The following CWC27 variants were observed in gnomAD, a reference collection of about 807,000 sequenced individuals.
CWC27 encodes the protein CWC27 spliceosome associated cyclophilin.
Under a neutral mutation model 63.6 loss-of-function variants are expected in CWC27, and 47 were observed. The observed-to-expected ratio is 0.74, with a 90% CI of 0.58 to 0.94. The LOEUF is 0.94. Ranked by LOEUF, CWC27 falls within the 40% of genes least tolerant of loss-of-function variation. CWC27 has a pLI of 0.00. For synonymous variants in CWC27, 175 were observed against 179.8 expected (o/e 0.97, Z 0.22); for missense variants, 495 against 554.3 (o/e 0.89, Z 1.07).
chr5:64,818,342 T>C (rs890484626), intron 10 of CWC27, among the ~76,000 whole-genome samples: 2 of 152,208 alleles, frequency 1.3e-5, no homozygotes, highest in Non-Finnish European at 2.9e-5. Context: ...TTTCTTAGCT[T>C]TGAAAGTTAT....
chr5:64,960,247 C>G (rs1748882544), intron 11 of CWC27, among the ~76,000 whole-genome samples: 1 of 151,174 alleles, frequency 6.6e-6, no homozygotes, highest in Non-Finnish European at 1.5e-5. Context: ...GAAGAAACAA[C>G]CAAACTGGTT....
intron 11 of CWC27, among the ~76,000 whole-genome samples, chr5:64,902,998 G>A (rs115263686): frequency 0.036 from 5,542 of 152,112 alleles, 358 homozygotes; most frequent in African/African-American, 0.13. Context: ...ATTGTCTTTC[G>A]TAATTGATAG....
At chr5:64,840,832 C>CA (rs1487041070) in intron 10 of CWC27, among the ~76,000 whole-genome samples, 1 of 152,108 alleles carries the variant, frequency 6.6e-6, no homozygotes, top group Admixed American at 6.5e-5. Context: ...AGGGGCTAAT[C>CA]AAGGCATTGG....
intron 2 of CWC27, among the ~76,000 whole-genome samples, chr5:64,781,592 A>G (rs1743694070): frequency 6.6e-6 from 1 of 152,172 alleles, no homozygotes; most frequent in African/African-American, 2.4e-5. Context: ...ATAACCAAAA[A>G]TATTTTCAGA....
At chr5:64,982,466 G>A (rs1419500282) in intron 13 of CWC27, among the ~76,000 whole-genome samples, 2 of 151,630 alleles carry the variant, frequency 1.3e-5, no homozygotes, top group Non-Finnish European at 2.9e-5. Context: ...AAGACCACAG[G>A]CATACACCAC....
chr5:65,018,123 G>T (rs1488328953), intron 13 of CWC27, 36 bp from the exon 14 acceptor site: 3 of 1,532,200 alleles, frequency 2.0e-6, no homozygotes, highest in Non-Finnish European at 2.6e-6. Context: ...AAGTTCCCAT[G>T]CAAGAAATCA....
At chr5:64,810,603 C>A (rs1744847203) in intron 10 of CWC27, among the ~76,000 whole-genome samples, 1 of 152,040 alleles carries the variant, frequency 6.6e-6, no homozygotes, top group African/African-American at 2.4e-5. Flanking sequence ...GCAGACAGAT[C>A]TTTTAGCTTC....
At chr5:64,772,232 A>C (rs1174675552) in intron 1 of CWC27, among the ~76,000 whole-genome samples, 1 of 152,214 alleles carries the variant, frequency 6.6e-6, no homozygotes, top group Non-Finnish European at 1.5e-5. Context: ...CAGTGAGTGC[A>C]TACTTCAGTG....
chr5:64,788,816 A>G, intron 6 of CWC27, 135 bp from the exon 7 acceptor site: 1 of 600,754 alleles, frequency 1.7e-6, no homozygotes, highest in Non-Finnish European at 2.9e-6. Flanking sequence ...AATACTGAGT[A>G]ATATGGTCTT....
At chr5:64,787,892 G>A (rs998097238) in intron 6 of CWC27, among the ~76,000 whole-genome samples, 2 of 152,060 alleles carry the variant, frequency 1.3e-5, no homozygotes, top group African/African-American at 2.4e-5. Context: ...ATGGAGATTA[G>A]AATAAGTTCA....
At chr5:65,001,630 G>C (rs1749733628) in intron 13 of CWC27, among the ~76,000 whole-genome samples, 1 of 152,064 alleles carries the variant, frequency 6.6e-6, no homozygotes, top group South Asian at 2.1e-4. Context: ...TTATTGATTT[G>C]TGTATGTTGA....
intron 11 of CWC27, among the ~76,000 whole-genome samples, chr5:64,970,053 A>G (rs1054013772): frequency 2.6e-5 from 4 of 152,122 alleles, no homozygotes; most frequent in African/African-American, 9.7e-5. Context: ...CTCTTGAGAG[A>G]CGTAACTGGA....
intron 10 of CWC27, among the ~76,000 whole-genome samples, chr5:64,857,803 C>T (rs1218970741): frequency 2.0e-5 from 3 of 152,128 alleles, no homozygotes; most frequent in Admixed American, 2.0e-4. Context: ...GCAGGAACTT[C>T]AACAAAGTTT....
At chr5:64,964,762 G>A (rs1183077049) in intron 11 of CWC27, among the ~76,000 whole-genome samples, 1 of 152,160 alleles carries the variant, frequency 6.6e-6, no homozygotes, top group African/African-American at 2.4e-5. Context: ...AATAATATTT[G>A]TTGCCCAACT....
chr5:64,890,881 G>A (rs753708571), intron 11 of CWC27, among the ~76,000 whole-genome samples: 2 of 152,138 alleles, frequency 1.3e-5, no homozygotes, highest in Non-Finnish European at 2.9e-5. Context: ...GCCAGAAAAG[G>A]CACTGACCTG....
At chr5:64,905,925 G>A (rs7722021) in intron 11 of CWC27, among the ~76,000 whole-genome samples, 14,399 of 152,064 alleles carry the variant, frequency 0.095, 2,084 homozygotes, top group African/African-American at 0.31. Context: ...GAGAACATGC[G>A]GTGTTTGGTT....
At chr5:64,796,673 C>T (rs1460211232) in intron 7 of CWC27, among the ~76,000 whole-genome samples, 1 of 152,076 alleles carries the variant, frequency 6.6e-6, no homozygotes, top group Non-Finnish European at 1.5e-5. Context: ...ATAAAATTAT[C>T]CACACAGAGT....
At chr5:64,801,241 C>T (rs947104999) in intron 8 of CWC27, 61 bp from the exon 9 acceptor site, 2 of 1,335,112 alleles carry the variant, frequency 1.5e-6, no homozygotes, top group Non-Finnish European at 2.0e-6. Flanking sequence ...TTTTGGGTTA[C>T]AAAATAATTG....
intron 11 of CWC27, among the ~76,000 whole-genome samples, chr5:64,896,509 G>A (rs1216111505): frequency 2.0e-5 from 3 of 152,068 alleles, no homozygotes; most frequent in East Asian, 1.9e-4. Context: ...AAGGGTGCTC[G>A]GAAAAGCATT....
Sources: gnomAD v4.1 joint callset for allele counts (sites outside exome capture counted in the v4.1 genomes callset) on GRCh38, gnomAD v4.1.1 for gene constraint, MANE v1.5 for transcripts, NCBI Gene and HGNC (gene_info 2026-07-23, HGNC 2026-07-21) for gene names.